Variants in LSG1 observed in about 807,000 individuals in gnomAD.
The protein encoded by LSG1 is large 60S subunit nuclear export GTPase 1, also known as large subunit GTPase 1 homolog.
LSG1 carries 55 observed loss-of-function variants against 82.6 expected under a neutral mutation model. The observed-to-expected ratio is 0.67, with a 90% confidence interval of 0.54 to 0.83. The LOEUF is 0.83. Ranked by LOEUF, LSG1 falls within the 40% of genes least tolerant of loss-of-function variation. The probability of loss-of-function intolerance (pLI) is 0.00; values close to 1 mark genes in which losing one functional copy is unlikely to be tolerated. For missense variants in LSG1, 809 were observed against 807.9 expected (o/e 1.00, Z -0.02); for synonymous variants, 272 against 282.5 (o/e 0.96, Z 0.37).
chr3:194,644,384 A>T (rs1395685392), intron 13 of LSG1, among the ~76,000 whole-genome samples, 189 bp downstream of exon 13: 17 of 99,378 alleles, frequency 1.7e-4, no homozygotes, highest in Admixed American at 4.8e-4. Flanking sequence ...AAAAAAATAA[A>T]AATAAATAAA....
Position 194,660,121 on chromosome 3 carries a change from G to C in LSG1, c.534C>G (p.Val178=). Residue 178 remains valine (V), a synonymous_variant, in exon 6 of 14, where the codon GTC becomes GTG. Transcript: ENST00000265245. ...WRVIERSDIV[V]QIVDARNPLL... is the part of the protein sequence containing the mutation. ...GTGGGTTTCGAGCATCTACTATCTG[G>C]ACCACAATATCACTGAAAAACAAAC... 6.2e-7 allele frequency: 1 copy of C among 1,613,816 alleles called. No individual in the cohort carries two copies. Among genetic ancestry groups the C allele is most frequent in the Non-Finnish European group, 8.5e-7 (1 of 1,179,832 alleles).
intron 10 of LSG1, among the ~76,000 whole-genome samples, chr3:194,649,495 C>T (rs945133895): frequency 1.2e-4 from 18 of 150,778 alleles, no homozygotes; most frequent in East Asian, 3.9e-4. Context: ...ACCAGCCTGG[C>T]CAACATGGTG....
chr3:194,660,496 A>G (rs570403147), intron 5 of LSG1, among the ~76,000 whole-genome samples: 1 of 152,288 alleles, frequency 6.6e-6, no homozygotes, highest in African/African-American at 2.4e-5. Flanking sequence ...CTGGTGAGAT[A>G]AAAGAGTATT....
In LSG1 at chr3:194,642,100, T is replaced by C. The variant is rs1337639834; in HGVS notation, c.1945A>G (p.Ser649Gly). 5 of 1,613,078 alleles carry C rather than the reference T, an allele frequency of 3.1e-6. No homozygotes were observed. The highest frequency in any genetic ancestry group is 2.7e-5 in the African/African-American group (2 of 74,872). The change falls in exon 14 of 14, where the codon AGT becomes GGT. Residue 649 changes from serine to glycine, a missense_variant. Ser to Gly is a moderately conservative substitution (Grantham distance 56, BLOSUM62 0). Transcript: ENST00000265245. ...KHGNRNKKEK[S>G]RRLYKHLDM is the part of the protein sequence containing the mutation. ...TCCAGGTGCTTGTAGAGTCTACGAC[T>C]TTTTTCTTTTTTATTTCTGTTGCCA...
At chr3:194,658,840 G>A in intron 7 of LSG1, 117 bp downstream of exon 7, 1 of 1,072,192 alleles carries the variant, frequency 9.3e-7, no homozygotes, top group Non-Finnish European at 1.4e-6. Context: ...GCACACAGAG[G>A]AAAAACTCTA....
chr3:194,642,454 T>C (rs897837495), intron 13 of LSG1, among the ~76,000 whole-genome samples: 2 of 150,390 alleles, frequency 1.3e-5, no homozygotes, highest in African/African-American at 4.9e-5. Context: ...CTCGTCAACT[T>C]TGTTTAGTCC....
chr3:194,667,929 A>T (rs1719062559), intron 2 of LSG1, among the ~76,000 whole-genome samples: 1 of 101,674 alleles, frequency 9.8e-6, no homozygotes. Flanking sequence ...GTCTCAAAAA[A>T]AAAAAAAAAA....
intron 5 of LSG1, 117 bp downstream of exon 5, chr3:194,665,440 G>T: frequency 1.6e-6 from 1 of 612,896 alleles, no homozygotes; most frequent in Non-Finnish European, 2.8e-6. Flanking sequence ...ATAATTCTCA[G>T]TAACCCTCTG....
intron 5 of LSG1, chr3:194,660,930 C>T (rs1242396889): frequency 6.6e-6 from 3 of 456,154 alleles, no homozygotes; most frequent in African/African-American, 6.0e-5. Flanking sequence ...AGGCTCCTCC[C>T]TTCCTTCAGC....
intron 7 of LSG1, among the ~76,000 whole-genome samples, chr3:194,655,811 C>A (rs557635872): frequency 1.8e-3 from 275 of 152,198 alleles, no homozygotes; most frequent in Non-Finnish European, 3.1e-3. Context: ...AGATATAGAC[C>A]AATGGAACAG....
At chr3:194,651,289 T>C (rs1718669524) in intron 8 of LSG1, 73 bp from the exon 9 acceptor site, 1 of 1,023,606 alleles carries the variant, frequency 9.8e-7, no homozygotes, top group African/African-American at 1.6e-5. Context: ...ATGACATAGA[T>C]GGTGGCAAGA....
rs1718401148 is a variant in LSG1 at position 194,641,971 on chromosome 3, A to C, written c.*97T>G. ...GCTCTGCAAGAGCAGGGCCCGTTCT[A>C]CAGTGCTAGTGTCTTGGGACGGTTC... On this transcript the variant is annotated 3_prime_UTR_variant, in exon 14 of 14. Transcript: ENST00000265245. 2 of 1,338,558 alleles carry C rather than the reference A, an allele frequency of 1.5e-6. No individual in the cohort carries two copies. Among genetic ancestry groups the C allele is most frequent in the African/African-American group, 2.9e-5 (2 of 68,310 alleles). The allele number at this position is 1,338,558 out of a possible 1,614,324, so 82.9% of individuals were successfully genotyped here. A position where few individuals can be genotyped will look rare whatever the true frequency, so the allele number is the denominator to read the frequency against.
chr3:194,654,244 T>A (rs1051040533), intron 7 of LSG1, among the ~76,000 whole-genome samples: 7 of 152,198 alleles, frequency 4.6e-5, no homozygotes, highest in African/African-American at 1.7e-4. Context: ...TATTTACTGA[T>A]GAAAGATTCC....
rs1718520260 is a variant in LSG1 at position 194,645,549 on chromosome 3, C to CACAGACACACACACACACAG, written c.1623+614_1623+615insCTGTGTGTGTGTGTGTCTGT. ...ACACACAGACAGACACACACACACACACACACACACACACACACACAGACA... is the reference window on the plus strand; with the variant it reads ...ACACACAGACAGACACACACACACACACAGACACACACACACACAGACACACACACACACACACACAGACA... On this transcript the variant is annotated intron_variant, in intron 12 of 13. Coordinates refer to ENST00000265245, the MANE Select transcript of LSG1 (RefSeq NM_018385.3). 4.2e-5 allele frequency: 2 copies of CACAGACACACACACACACAG among 47,642 alleles called. 1 individual carries two copies. Among genetic ancestry groups the CACAGACACACACACACACAG allele is most frequent in the African/African-American group, 1.5e-4 (2 of 13,432 alleles). The allele number at this position is 47,642 out of a possible 1,614,324, so 3.0% of individuals were successfully genotyped here. A position where few individuals can be genotyped will look rare whatever the true frequency, so the allele number is the denominator to read the frequency against.
chr3:194,659,058 C>G lies in LSG1; in HGVS notation c.658G>C (p.Glu220Gln). ...LINKADLLTAEQRSAWAMYFE... is the reference protein window; with the variant it reads ...LINKADLLTAQQRSAWAMYFE... The stretch of plus-strand genomic sequence containing the variant: ...TACATGGCCCAGGCACTCCGCTGCT[C>G]AGCAGTCAGCAAGTCTGCCTTGTTG... Residue 220 changes from glutamate (E) to glutamine (Q), a missense_variant, in exon 7 of 14, where the codon GAG becomes CAG. Coordinates refer to ENST00000265245, the MANE Select transcript of LSG1 (RefSeq NM_018385.3). The G allele has an allele frequency of 6.2e-7, 1 of 1,614,164 alleles. No homozygotes were observed. The highest frequency in any genetic ancestry group is 8.5e-7 in the Non-Finnish European group (1 of 1,180,020).
At position 194,653,103 on chromosome 3, in the gene LSG1, T is replaced by C. The variant is rs1675953; in HGVS notation, c.799A>G (p.Lys267Glu). 0.68 allele frequency: 1,091,982 copies of C among 1,613,052 alleles called. 374,848 individuals carry two copies. The highest frequency in any genetic ancestry group is 0.86 in the East Asian group (38,445 of 44,836). ...TGGTCGAAACTGGAATGTCCAAACT[T>C]GGTTGTGTTGCTTTGTCTATCATCT... ...NRDDRQSNTT[K>E]FGHSSFDQAE... is the part of the protein sequence containing the mutation. The change falls in exon 8 of 14, where the codon AAG becomes GAG. Residue 267 changes from lysine to glutamate, a missense_variant. Coordinates refer to ENST00000265245, the MANE Select transcript of LSG1 (RefSeq NM_018385.3).
chr3:194,647,414 AC>A (rs1718576775), intron 11 of LSG1, among the ~76,000 whole-genome samples: 1 of 152,248 alleles, frequency 6.6e-6, no homozygotes, highest in South Asian at 2.1e-4. Flanking sequence ...ATAAATGGTC[AC>A]AAAACATTTG....
chr3:194,664,758 A>C (rs901657808), intron 5 of LSG1, among the ~76,000 whole-genome samples: 2 of 151,626 alleles, frequency 1.3e-5, no homozygotes, highest in African/African-American at 4.8e-5. Context: ...TACTAAAAAT[A>C]CAAAAAAAAA....
rs752607172 is a variant in LSG1, at chr3:194,650,845, G to T, written c.1419+36C>A. On this transcript the variant is annotated intron_variant, in intron 10 of 13. Transcript: ENST00000265245. ...ATAAACCTGAAGCCCTAATATGCAC[G>T]TAATAACTAGAGTGTTTCCAAAGCA... The T allele has an allele frequency of 8.2e-6, 13 of 1,579,806 alleles. No individual in the cohort carries two copies. In the South Asian group the frequency reaches 1.4e-4, roughly 17 times the overall value.
Sources: gnomAD v4.1 joint callset for allele counts (sites outside exome capture counted in the v4.1 genomes callset) on GRCh38, gnomAD v4.1.1 for gene constraint, MANE v1.5 for transcripts, NCBI Gene and HGNC (gene_info 2026-07-23, HGNC 2026-07-21) for gene names.